The following UNC80 variants were observed in gnomAD, a reference collection of about 807,000 sequenced individuals.
UNC80 encodes the protein protein unc-80 homolog.
In UNC80, 164 loss-of-function variants were observed where a neutral mutation model predicts 384.6. The ratio of observed to expected loss-of-function variants is 0.43; its 90% CI spans 0.38 to 0.49. The LOEUF is 0.49. Among genes scored for constraint, UNC80 ranks in the 20% least tolerant of loss-of-function variants. The pLI is 0.00. For synonymous variants in UNC80, 1,486 were observed against 1,527.8 expected, an observed-to-expected ratio of 0.97 and a Z score of 0.64; for missense variants, 3,330 against 4,143.0, an observed-to-expected ratio of 0.80 and a Z score of 5.39.
intron 13 of UNC80, 53 bp from the exon 14 acceptor site, chr2:209,825,854 C>T (rs2080478180): frequency 7.0e-7 from 1 of 1,436,304 alleles, no homozygotes; most frequent in Non-Finnish European, 9.2e-7. Flanking sequence ...AGCAAAAGGA[C>T]CTCAGTGACA....
chr2:209,967,884 C>G (rs1050255112), intron 52 of UNC80: 15 of 380,178 alleles, frequency 3.9e-5, no homozygotes, highest in South Asian at 3.9e-4. Context: ...AGCTATCATG[C>G]TCCTCATCTG....
intron 5 of UNC80, among the ~76,000 whole-genome samples, chr2:209,787,656 T>C (rs1005784963): frequency 5.9e-5 from 9 of 152,178 alleles, no homozygotes; most frequent in Admixed American, 5.9e-4. Context: ...ACTCATGTGT[T>C]TGTGGTGATG....
At chr2:209,978,481 A>G (rs1303657395) in intron 58 of UNC80, 48 bp from the exon 59 acceptor site, 6 of 1,442,360 alleles carry the variant, frequency 4.2e-6, no homozygotes, top group Non-Finnish European at 5.6e-6. Flanking sequence ...TGAAGTGGAC[A>G]TTTAAGATTC....
At chr2:209,887,920 A>T (rs897069505) in intron 25 of UNC80, among the ~76,000 whole-genome samples, 175 bp from the exon 26 acceptor site, 5 of 152,178 alleles carry the variant, frequency 3.3e-5, no homozygotes, top group Admixed American at 2.6e-4. Flanking sequence ...GATTTTATTT[A>T]TTTTTTAAGT....
At chr2:209,868,248 T>C (rs1392672535) in intron 22 of UNC80, among the ~76,000 whole-genome samples, 2 of 152,228 alleles carry the variant, frequency 1.3e-5, no homozygotes, top group Non-Finnish European at 2.9e-5. Context: ...TGGTTGTAGA[T>C]AAACAGGTAT....
chr2:209,793,679 A>C (rs757888523), intron 6 of UNC80, 41 bp from the exon 7 acceptor site: 1 of 1,605,710 alleles, frequency 6.2e-7, no homozygotes, highest in Non-Finnish European at 8.5e-7. Flanking sequence ...AAAACAAAAA[A>C]CAAAAAACAA....
At chr2:209,802,067 A>G (rs968408817) in intron 7 of UNC80, among the ~76,000 whole-genome samples, 1 of 152,154 alleles carries the variant, frequency 6.6e-6, no homozygotes, top group Non-Finnish European at 1.5e-5. Flanking sequence ...ATAAGCATTT[A>G]AAATTATATA....
intron 4 of UNC80, among the ~76,000 whole-genome samples, chr2:209,785,801 A>G (rs992702285): frequency 1.3e-5 from 2 of 152,354 alleles, no homozygotes; most frequent in Non-Finnish European, 1.5e-5. Flanking sequence ...TAGTTTGTGT[A>G]TCCCATGCTT....
chr2:209,866,529 C>A (rs375972802), intron 22 of UNC80, among the ~76,000 whole-genome samples: 1 of 126,614 alleles, frequency 7.9e-6, no homozygotes, highest in East Asian at 2.3e-4. Context: ...CACACACACA[C>A]ACACAGAGAG....
At chr2:209,780,797 A>C (rs1364986425) in intron 4 of UNC80, among the ~76,000 whole-genome samples, 1 of 152,104 alleles carries the variant, frequency 6.6e-6, no homozygotes, top group Non-Finnish European at 1.5e-5. Flanking sequence ...GTCTTTCCCT[A>C]CCCATGTAAA....
intron 22 of UNC80, among the ~76,000 whole-genome samples, chr2:209,850,296 A>G (rs901254782): frequency 1.3e-5 from 2 of 152,136 alleles, no homozygotes; most frequent in African/African-American, 4.8e-5. Context: ...CTTTATTTAT[A>G]AAGTCTTCAT....
chr2:209,776,302 C>T (rs190011750), intron 3 of UNC80, among the ~76,000 whole-genome samples: 1 of 152,210 alleles, frequency 6.6e-6, no homozygotes, highest in Non-Finnish European at 1.5e-5. Context: ...TTAAGATAGG[C>T]TGGGTGTGGT....
At chr2:209,796,515 G>C (rs2078167195) in intron 7 of UNC80, 1 of 152,198 alleles carries the variant, frequency 6.6e-6, no homozygotes, top group Non-Finnish European at 1.5e-5. Flanking sequence ...ATATGGTTTG[G>C]CTGTGTCCCC....
Position 209,983,777 on chromosome 2 carries a change from G to T in UNC80, c.9258-1079G>T, listed in dbSNP as rs112379094. Among the ~76,000 whole-genome samples, 896 of 152,200 alleles carry T rather than the reference G, an allele frequency of 5.9e-3. 12 individuals carry two copies. Among genetic ancestry groups the T allele is most frequent in the African/African-American group, 0.021 (855 of 41,530 alleles). On this transcript the variant is annotated intron_variant, in intron 60 of 64. Transcript: ENST00000673920. ...TAAGGGGTCAAGTTGTTTGCAGGGA[G>T]AAAATTTGTCCTATTATACATATCT...
chr2:209,941,528 G>A (rs1274454253), intron 44 of UNC80, 39 bp downstream of exon 44: 87 of 1,503,528 alleles, frequency 5.8e-5, no homozygotes, highest in Non-Finnish European at 7.8e-5. Context: ...AAATTAACAT[G>A]AGTACTGCTC....
At chr2:209,779,303 G>A (rs1392433865) in intron 4 of UNC80, among the ~76,000 whole-genome samples, 1 of 151,938 alleles carries the variant, frequency 6.6e-6, no homozygotes, top group Non-Finnish European at 1.5e-5. Flanking sequence ...CTTGACAAGT[G>A]CATTTTTGTG....
At chr2:209,934,167 A>C (rs1377351661) in intron 39 of UNC80, among the ~76,000 whole-genome samples, 162 bp downstream of exon 39, 1 of 152,206 alleles carries the variant, frequency 6.6e-6, no homozygotes, top group Non-Finnish European at 1.5e-5. Flanking sequence ...CAGAGGAAAT[A>C]CAATAGACCC....
At chr2:209,951,101 T>A (rs553022823) in intron 47 of UNC80, among the ~76,000 whole-genome samples, 1 of 152,044 alleles carries the variant, frequency 6.6e-6, no homozygotes, top group African/African-American at 2.4e-5. Flanking sequence ...TGAGCCCAAG[T>A]TGAGGCTGCA....
intron 49 of UNC80, 57 bp downstream of exon 49, chr2:209,957,793 C>T (rs2092465868): frequency 2.7e-6 from 4 of 1,500,040 alleles, no homozygotes; most frequent in South Asian, 1.2e-5. Flanking sequence ...ACCCGAATGT[C>T]AGCTGTTGAG....
Sources: gnomAD v4.1 joint callset for allele counts (sites outside exome capture counted in the v4.1 genomes callset) on GRCh38, gnomAD v4.1.1 for gene constraint, MANE v1.5 for transcripts, NCBI Gene and HGNC (gene_info 2026-07-23, HGNC 2026-07-21) for gene names.